PPM1D: variants seen among roughly 807,000 people sequenced by gnomAD.
The protein encoded by PPM1D is protein phosphatase, Mg2+/Mn2+ dependent 1D, also known as protein phosphatase 1D.
In PPM1D, 52 loss-of-function variants were observed where a neutral mutation model predicts 58.3. That is an observed-to-expected ratio of 0.89 (90% confidence interval 0.71 to 1.12). PPM1D has a LOEUF of 1.12. Ranked by LOEUF, PPM1D falls within the 50% of genes most tolerant of loss-of-function variation. The probability of loss-of-function intolerance (pLI) is 0.00; values close to 1 mark genes in which losing one functional copy is unlikely to be tolerated. For synonymous variants in PPM1D, 278 were observed against 285.1 expected (o/e 0.98, Z 0.25); for missense variants, 564 against 777.2 (o/e 0.73, Z 3.26).
At chr17:60,616,026 G>C (rs1181191839) in intron 1 of PPM1D, among the ~76,000 whole-genome samples, 1 of 151,624 alleles carries the variant, frequency 6.6e-6, no homozygotes, top group Non-Finnish European at 1.5e-5. Context: ...GTTTTTTTTG[G>C]AGGCAGAGTC....
At position 60,619,956 on chromosome 17, in the gene PPM1D, T is replaced by C. The variant is rs2030664735; in HGVS notation, c.473-3565T>C. On this transcript the variant is annotated intron_variant, in intron 1 of 5. Coordinates refer to ENST00000305921, the MANE Select transcript of PPM1D (RefSeq NM_003620.4). ...CTTCTTTGACAAATGTCTATTCAGGTCATTTGCCCAGTTTTTTTTTGTTTT... is the reference window on the plus strand; with the variant it reads ...CTTCTTTGACAAATGTCTATTCAGGCCATTTGCCCAGTTTTTTTTTGTTTT... Among the ~76,000 whole-genome samples the C allele has an allele frequency of 1.3e-5, 2 of 151,986 alleles. 1 individual carries two copies. The highest frequency in any genetic ancestry group is 4.2e-4 in the South Asian group (2 of 4,818).
chr17:60,651,727 G>A (rs2031347319), intron 4 of PPM1D, among the ~76,000 whole-genome samples: 1 of 151,902 alleles, frequency 6.6e-6, no homozygotes, highest in African/African-American at 2.4e-5. Context: ...TTTTTATTTC[G>A]TTTGTGGCAC....
At chr17:60,658,931 G>A (rs1247222128) in intron 5 of PPM1D, among the ~76,000 whole-genome samples, 1 of 152,172 alleles carries the variant, frequency 6.6e-6, no homozygotes, top group African/African-American at 2.4e-5. Context: ...CAGCACTCCA[G>A]CCTGCTGACA....
intron 1 of PPM1D, among the ~76,000 whole-genome samples, chr17:60,609,041 C>T (rs1056688399): frequency 1.3e-5 from 2 of 151,692 alleles, no homozygotes; most frequent in Non-Finnish European, 2.9e-5. Flanking sequence ...GCCACCGCGC[C>T]CGGCCTTTAT....
At chr17:60,603,188 G>A (rs1166371132) in intron 1 of PPM1D, among the ~76,000 whole-genome samples, 1 of 151,910 alleles carries the variant, frequency 6.6e-6, no homozygotes, top group Non-Finnish European at 1.5e-5. Flanking sequence ...TTCTACTTTT[G>A]TAGTGCTCAT....
At chr17:60,607,299 T>C (rs2030350818) in intron 1 of PPM1D, among the ~76,000 whole-genome samples, 2 of 152,138 alleles carry the variant, frequency 1.3e-5, no homozygotes, top group African/African-American at 2.4e-5. Flanking sequence ...GTTTTATTTT[T>C]GAGACGGAGT....
intron 1 of PPM1D, among the ~76,000 whole-genome samples, chr17:60,619,511 A>G (rs544857367): frequency 1.3e-4 from 20 of 152,306 alleles, no homozygotes; most frequent in Non-Finnish European, 2.6e-4. Flanking sequence ...GCAGTGTACA[A>G]ATGTTCTCCC....
At chr17:60,601,125 G>T (rs940685518) in intron 1 of PPM1D, among the ~76,000 whole-genome samples, 2 of 152,208 alleles carry the variant, frequency 1.3e-5, no homozygotes, top group East Asian at 3.8e-4. Context: ...CATCCTCCAA[G>T]GATCAATGGG....
intron 2 of PPM1D, among the ~76,000 whole-genome samples, chr17:60,626,583 A>G (rs914471743): frequency 4.6e-5 from 7 of 151,950 alleles, no homozygotes; most frequent in Admixed American, 3.9e-4. Flanking sequence ...TTTAGTAGAG[A>G]TGGGGTTTCA....
At chr17:60,650,941 A>G (rs2031331661) in intron 4 of PPM1D, among the ~76,000 whole-genome samples, 1 of 152,212 alleles carries the variant, frequency 6.6e-6, no homozygotes, top group Non-Finnish European at 1.5e-5. Context: ...CCTGGACAAC[A>G]TAGTGAGACC....
intron 3 of PPM1D, among the ~76,000 whole-genome samples, chr17:60,641,276 AAT>A: frequency 6.6e-6 from 1 of 152,242 alleles, no homozygotes; most frequent in Middle Eastern, 3.4e-3. Flanking sequence ...TTGGCTTTTT[AAT>A]AATAGTCATT....
At chr17:60,644,971 ATATCT>A (rs1034126187) in intron 3 of PPM1D, among the ~76,000 whole-genome samples, 1 of 152,244 alleles carries the variant, frequency 6.6e-6, no homozygotes, top group Non-Finnish European at 1.5e-5. Flanking sequence ...AATATACCAC[ATATCT>A]TAGTCAAAAC....
chr17:60,606,983 CTAATTTTTTTTTT>C (rs1399939364), intron 1 of PPM1D, among the ~76,000 whole-genome samples: 39 of 150,992 alleles, frequency 2.6e-4, no homozygotes, highest in African/African-American at 8.8e-4. Context: ...ATGCGCCCAG[CTAATTTTTTTTTT>C]TAATTTTTTT....
chr17:60,663,527 A>G lies in PPM1D; in HGVS notation c.1793A>G (p.His598Arg), dbSNP rs780415902. Reference protein sequence around the residue: ...KKIGNPLLHQHRKTVCVC With the variant: ...KKIGNPLLHQRRKTVCVC ...ATTGGAAATCCTTTACTTCATCAAC[A>G]CAGGAAAACTGTTTGTGTTTGCTGA... is the stretch of plus-strand genomic sequence containing the variant. The change falls in exon 6 of 6, where the codon CAC becomes CGC. Residue 598 changes from histidine to arginine, a missense_variant. This residue lies in a region of PPM1D where 261 missense variants were observed against 270.1 expected (regional missense o/e 0.97). Coordinates refer to ENST00000305921, the MANE Select transcript of PPM1D (RefSeq NM_003620.4). 6.2e-7 allele frequency: 1 copy of G among 1,610,032 alleles called. No individual in the cohort carries two copies. Among genetic ancestry groups the G allele is most frequent in the Non-Finnish European group, 8.5e-7 (1 of 1,179,786 alleles).
chr17:60,651,023 G>A (rs182649689), intron 4 of PPM1D, among the ~76,000 whole-genome samples: 5 of 152,294 alleles, frequency 3.3e-5, no homozygotes, highest in Middle Eastern at 3.4e-3. Context: ...CAAGAGTTGC[G>A]TAAATTGTGG....
At chr17:60,651,768 A>G (rs2031347975) in intron 4 of PPM1D, among the ~76,000 whole-genome samples, 1 of 152,210 alleles carries the variant, frequency 6.6e-6, no homozygotes, top group Non-Finnish European at 1.5e-5. Flanking sequence ...CACAAGGCTC[A>G]TGGTATTCTA....
In PPM1D at chr17:60,615,942, C is replaced by T. The variant is rs567864330; in HGVS notation, c.473-7579C>T. ...CCTGGGCTCAAGCATCCTCCTGCCT[C>T]AGCCTCACAAGTAGCTGGGACTGCA... On this transcript the variant is annotated intron_variant, in intron 1 of 5. Coordinates refer to ENST00000305921, the MANE Select transcript of PPM1D (RefSeq NM_003620.4). Among the ~76,000 whole-genome samples, 8 of 152,274 alleles carry T rather than the reference C, an allele frequency of 5.3e-5. No homozygotes were observed. The South Asian group carries it at 1.7e-3, about 32-fold the overall frequency.
At chr17:60,609,302 CCAGGCTGG>C (rs1327776027) in intron 1 of PPM1D, among the ~76,000 whole-genome samples, 5 of 151,774 alleles carry the variant, frequency 3.3e-5, no homozygotes, top group Non-Finnish European at 4.4e-5. Flanking sequence ...ACCATGTTGG[CCAGGCTGG>C]TCTCGAACTC....
intron 3 of PPM1D, among the ~76,000 whole-genome samples, chr17:60,645,492 G>GTGTA (rs1351779799): frequency 6.1e-5 from 8 of 132,094 alleles, no homozygotes; most frequent in Non-Finnish European, 9.3e-5. Context: ...GTGTGTGTGT[G>GTGTA]TATGTGTATA....
Sources: allele counts gnomAD v4.1 joint callset (sites outside exome capture counted in the v4.1 genomes callset), GRCh38; gene constraint gnomAD v4.1.1; regional missense constraint gnomAD v4.1.1; transcripts MANE v1.5; gene names NCBI Gene and HGNC (gene_info 2026-07-23, HGNC 2026-07-21).